Variants in PELP1 observed in about 807,000 individuals in gnomAD.
PELP1 encodes the protein proline, glutamate and leucine rich protein 1.
In PELP1, 32 loss-of-function variants were observed where a neutral mutation model predicts 95.5. That is an observed-to-expected ratio of 0.34 (90% CI 0.25 to 0.45). The LOEUF is 0.45. Ranked by LOEUF, PELP1 falls within the 20% of genes least tolerant of loss-of-function variation. The pLI is 1.00. For missense variants in PELP1, 1,358 were observed against 1,444.8 expected (o/e 0.94, Z 0.97); for synonymous variants, 668 against 600.1 (o/e 1.11, Z -1.65).
chr17:4,678,731 G>C (rs79668480), intron 5 of PELP1, among the ~76,000 whole-genome samples: 2,908 of 152,316 alleles, frequency 0.019, 102 homozygotes, highest in African/African-American at 0.066. Flanking sequence ...GGACGAGGAA[G>C]TGAGTTCAAG....
chr17:4,685,324 G>A (rs756062951), intron 3 of PELP1, among the ~76,000 whole-genome samples: 6 of 151,998 alleles, frequency 3.9e-5, no homozygotes, highest in South Asian at 4.1e-4. Context: ...CCGCAATCCC[G>A]GTTATCTTCT....
At chr17:4,701,368 G>A (rs1260805031) in intron 1 of PELP1, among the ~76,000 whole-genome samples, 2 of 152,056 alleles carry the variant, frequency 1.3e-5, no homozygotes, top group African/African-American at 2.4e-5. Context: ...CAAGAGAAGA[G>A]TAAGTACAAA....
Position 4,672,952 on chromosome 17 carries a change from G to GCTGAGGGCATGGAGCCCA in PELP1, c.2021_2038dup (p.Val674_Ser679dup). 1 of 1,603,822 alleles carries GCTGAGGGCATGGAGCCCA rather than the reference G, an allele frequency of 6.2e-7. No homozygotes were observed. Among genetic ancestry groups the GCTGAGGGCATGGAGCCCA allele is most frequent in the African/African-American group, 1.3e-5 (1 of 74,834 alleles). On this transcript the variant is annotated inframe_insertion, in exon 16 of 17. Transcript: ENST00000572293. The stretch of plus-strand genomic sequence containing the variant: ...GGGGCCTGCTGAAGGCATGGGGCCT[G>GCTGAGGGCATGGAGCCCA]CTGAGGGCATGGAGCCCACTGAGGG...
chr17:4,694,030 C>G (rs1040308938), intron 1 of PELP1, among the ~76,000 whole-genome samples: 1 of 152,138 alleles, frequency 6.6e-6, no homozygotes, highest in Non-Finnish European at 1.5e-5. Context: ...AGACCCAACA[C>G]AGCAAAACAG....
rs929235668 is a variant in PELP1 at position 4,673,089 on chromosome 17, C to G, written c.1902G>C (p.Arg634=). ...GGCCCATGGGCTGCAGGGGAGGAAC[C>G]CGGGGGTGGGTCAGAGCAGCACAGG... is the stretch of plus-strand genomic sequence containing the variant. The part of the protein sequence containing the change: ...LVTCAALTHP[R]VPPLQPMGPT... Residue 634 remains arginine (R), a synonymous_variant, in exon 16 of 17, where the codon CGG becomes CGC. Transcript: ENST00000572293. This position sits in a 1 kb window ranked among gnomAD's most constrained non-coding sequence, Gnocchi z 5.7. The G allele has an allele frequency of 3.3e-6, 5 of 1,523,526 alleles. No individual in the cohort carries two copies. Among genetic ancestry groups the G allele is most frequent in the South Asian group, 2.7e-5 (2 of 75,432 alleles). 94.4% of individuals were successfully genotyped at this position (1,523,526 alleles called of 1,614,324 possible). A position where few individuals can be genotyped will look rare whatever the true frequency, so the allele number is the denominator to read the frequency against.
chr17:4,681,393 C>G (rs1912679937), intron 5 of PELP1, among the ~76,000 whole-genome samples: 1 of 151,630 alleles, frequency 6.6e-6, no homozygotes, highest in African/African-American at 2.4e-5. Flanking sequence ...CATCTGTAAT[C>G]CCAGCTACTC....
Position 4,671,649 on chromosome 17 carries a change from C to G in PELP1, c.3300+42G>C, listed in dbSNP as rs1309643366. The G allele has an allele frequency of 1.9e-6, 3 of 1,601,514 alleles. No homozygotes were observed. In the African/African-American group the frequency reaches 4.0e-5, roughly 22 times the overall value. ...GCTGCCACCCCTTCTCCCGCCAGCCCCACCTTCTCGCCCAAGGAACCTTCC... is the reference window on the plus strand; with the variant it reads ...GCTGCCACCCCTTCTCCCGCCAGCCGCACCTTCTCGCCCAAGGAACCTTCC... On this transcript the variant is annotated intron_variant, in intron 16 of 16. Coordinates refer to ENST00000572293, the MANE Select transcript of PELP1 (RefSeq NM_014389.3).
rs987797456 is a variant in PELP1, at chr17:4,675,357, C to T, written c.1074G>A (p.Leu358=). 2 of 1,528,054 alleles carry T rather than the reference C, an allele frequency of 1.3e-6. No homozygotes were observed. Among genetic ancestry groups the T allele is most frequent in the Non-Finnish European group, 1.8e-6 (2 of 1,125,618 alleles). The allele number at this position is 1,528,054 out of a possible 1,614,324, so 94.7% of individuals were successfully genotyped here. Reference sequence around the variant, plus strand: ...GCAGCCGCAGGGGACCATCTCCATGCAAGCTCTGGAGAAAAAAGGGGCAGA... The same window carrying T: ...GCAGCCGCAGGGGACCATCTCCATGTAAGCTCTGGAGAAAAAAGGGGCAGA... The part of the protein sequence containing the change: ...TLSVSSKNIS[L]HGDGPLRLLL... The change falls in exon 10 of 17, where the codon TTG becomes TTA. Residue 358 remains leucine, a synonymous_variant. Coordinates refer to ENST00000572293, the MANE Select transcript of PELP1 (RefSeq NM_014389.3). This position sits in a 1 kb window ranked among gnomAD's most constrained non-coding sequence, Gnocchi z 4.3.
intron 3 of PELP1, among the ~76,000 whole-genome samples, chr17:4,684,976 G>A (rs1912853222): frequency 6.6e-6 from 1 of 152,212 alleles, no homozygotes. Flanking sequence ...TGGGATTACA[G>A]GGGTGAGCCA....
rs1175730912 is a variant in PELP1 at position 4,670,602 on chromosome 17, T to C, written c.*837A>G. The C allele has an allele frequency of 1.3e-5, 2 of 152,174 alleles. No homozygotes were observed. The highest frequency in any genetic ancestry group is 6.6e-5 in the Admixed American group (1 of 15,254). The allele number at this position is 152,174 out of a possible 1,614,324, so 9.4% of individuals were successfully genotyped here. A position where few individuals can be genotyped will look rare whatever the true frequency, so the allele number is the denominator to read the frequency against. ...GCCAGGCAGTGGCAGGCGCCTGTAA[T>C]CCCAGCTACTCAGGAGGCTGAGGCA... On this transcript the variant is annotated 3_prime_UTR_variant, in exon 17 of 17. Coordinates refer to ENST00000572293, the MANE Select transcript of PELP1 (RefSeq NM_014389.3).
intron 3 of PELP1, among the ~76,000 whole-genome samples, chr17:4,683,411 G>C (rs138246406): frequency 2.3e-4 from 35 of 151,724 alleles, no homozygotes; most frequent in Admixed American, 5.9e-4. Flanking sequence ...TAGTAGAGAC[G>C]GGGTTTCACT....
At position 4,672,754 on chromosome 17, in the gene PELP1, G is replaced by C. The variant is rs753719637; in HGVS notation, c.2237C>G (p.Pro746Arg). 3.7e-6 allele frequency: 6 copies of C among 1,613,446 alleles called. No individual in the cohort carries two copies. In the Admixed American group the frequency reaches 1.0e-4, roughly 27 times the overall value. ...EDPILAPSGT[P>R]PPTIPPDETF... The stretch of plus-strand genomic sequence containing the variant: ...TTCATCTGGGGGTATAGTAGGTGGG[G>C]GAGTCCCACTAGGGGCAAGGATGGG... The change falls in exon 16 of 17, where the codon CCC (proline) becomes CGC (arginine). Residue 746 changes from proline to arginine, a missense_variant. Transcript: ENST00000572293.
intron 1 of PELP1, among the ~76,000 whole-genome samples, chr17:4,699,132 G>A (rs944522223): frequency 6.6e-6 from 1 of 152,148 alleles, no homozygotes; most frequent in Admixed American, 6.5e-5. Context: ...TGTAATCCCA[G>A]CACTTCGAGT....
Position 4,674,582 on chromosome 17 carries a change from C to T in PELP1, c.1510G>A (p.Ala504Thr). Residue 504 changes from alanine to threonine, a missense_variant, in exon 13 of 17, where the codon GCT becomes ACT. Coordinates refer to ENST00000572293, the MANE Select transcript of PELP1 (RefSeq NM_014389.3). ...TTCCGGTGGCTTGGCGGGGCCATAG[C>T]TTCCCCCACATCCAGCTTTAGCTTC... ...PKKLKLDVGE[A>T]MAPPSHRKGD... is the part of the protein sequence containing the mutation. 2 of 1,611,810 alleles carry T rather than the reference C, an allele frequency of 1.2e-6. No homozygotes were observed. Among genetic ancestry groups the T allele is most frequent in the Non-Finnish European group, 1.7e-6 (2 of 1,179,250 alleles).
intron 16 of PELP1, 51 bp from the exon 17 acceptor site, chr17:4,671,582 G>A: frequency 6.2e-7 from 1 of 1,609,824 alleles, no homozygotes; most frequent in South Asian, 1.1e-5. Flanking sequence ...CACATACACA[G>A]AAGAATGGTT....
intron 1 of PELP1, chr17:4,691,684 G>T: frequency 1.9e-6 from 1 of 514,442 alleles, no homozygotes; most frequent in Non-Finnish European, 3.5e-6. Flanking sequence ...CCCCACCCAA[G>T]TAGTGCCAAA....
chr17:4,700,937 AAAAAAGAAAAG>A (rs1173009889), intron 1 of PELP1, among the ~76,000 whole-genome samples: 3 of 149,562 alleles, frequency 2.0e-5, no homozygotes, highest in South Asian at 2.1e-4. Flanking sequence ...TCAAAAAAAA[AAAAAAGAAAAG>A]AAAAGAAAAG....
At position 4,672,151 on chromosome 17, in the gene PELP1, T is replaced by TCTTCTTCTTCCTCTAACTCAC; in HGVS notation, c.2819_2839dup (p.Gly940_Glu946dup). On this transcript the variant is annotated inframe_insertion, in exon 16 of 17. Transcript: ENST00000572293. The stretch of plus-strand genomic sequence containing the variant: ...TTCTTCCTCCTCCTCATCCTCCTCT[T>TCTTCTTCTTCCTCTAACTCAC]CTTCTTCTTCCTCTAACTCACCTTC... 1 of 1,551,646 alleles carries TCTTCTTCTTCCTCTAACTCAC rather than the reference T, an allele frequency of 6.4e-7. No homozygotes were observed. The highest frequency in any genetic ancestry group is 8.7e-7 in the Non-Finnish European group (1 of 1,147,160).
rs1373770486 is a variant in PELP1, at chr17:4,670,070, A to G, written c.*1369T>C. ...GTTTATAGGGATAAGAGTTAACATG[A>G]CTAAATGTTAATTGGCAAATCTAGG... On this transcript the variant is annotated 3_prime_UTR_variant, in exon 17 of 17. Coordinates refer to ENST00000572293, the MANE Select transcript of PELP1 (RefSeq NM_014389.3). 1 of 152,204 alleles carries G rather than the reference A, an allele frequency of 6.6e-6. No homozygotes were observed. Among genetic ancestry groups the G allele is most frequent in the East Asian group, 1.9e-4 (1 of 5,202 alleles). 9.4% of individuals were successfully genotyped at this position (152,204 alleles called of 1,614,324 possible). A position where few individuals can be genotyped will look rare whatever the true frequency, so the allele number is the denominator to read the frequency against.
Sources: gnomAD v4.1 joint callset for allele counts (sites outside exome capture counted in the v4.1 genomes callset) on GRCh38, gnomAD v4.1.1 for gene constraint, Gnocchi (gnomAD v3.1) non-coding constraint, MANE v1.5 for transcripts, NCBI Gene and HGNC (gene_info 2026-07-23, HGNC 2026-07-21) for gene names.